Variants in PDE4D observed in about 807,000 individuals in gnomAD.
PDE4D encodes 3',5'-cyclic-AMP phosphodiesterase 4D.
Under a neutral mutation model 87.4 loss-of-function variants are expected in PDE4D, and 24 were observed. The ratio of observed to expected loss-of-function variants is 0.27; its 90% confidence interval spans 0.20 to 0.39. The LOEUF (loss-of-function observed/expected upper bound fraction) is 0.39, where lower values mean the gene tolerates loss of function less well. PDE4D is among the 10% of genes least tolerant of loss of function. PDE4D has a pLI of 1.00. For missense variants in PDE4D, 714 were observed against 1,041.0 expected, an observed-to-expected ratio of 0.69 and a Z score of 4.32; for synonymous variants, 384 against 383.2, an observed-to-expected ratio of 1.00 and a Z score of -0.02.
intron 1 of PDE4D, among the ~76,000 whole-genome samples, chr5:59,250,325 C>A (rs115869169): frequency 2.0e-4 from 28 of 139,374 alleles, no homozygotes; most frequent in African/African-American, 5.9e-4. Context: ...AAAAAAAAAA[C>A]AAAAAAAATT....
chr5:59,468,343 CT>C (rs1401598112), intron 1 of PDE4D, among the ~76,000 whole-genome samples: 1 of 151,822 alleles, frequency 6.6e-6, no homozygotes, highest in African/African-American at 2.4e-5. Context: ...TATTTTTTAT[CT>C]TTTGGATTTT....
chr5:59,883,356 C>A (rs1041087865), intron 1 of PDE4D, among the ~76,000 whole-genome samples: 2 of 152,122 alleles, frequency 1.3e-5, no homozygotes, highest in African/African-American at 4.8e-5. Flanking sequence ...GAGAGTGAGT[C>A]TAGAAGAATT....
At chr5:59,371,404 C>T (rs768830317) in intron 1 of PDE4D, among the ~76,000 whole-genome samples, 19 of 152,196 alleles carry the variant, frequency 1.2e-4, no homozygotes, top group Non-Finnish European at 2.5e-4. Context: ...GAGACAATGT[C>T]GTGAACTTTC....
At chr5:60,369,857 C>T (rs16877953) in intron 1 of PDE4D, among the ~76,000 whole-genome samples, 18,690 of 152,084 alleles carry the variant, frequency 0.12, 1,505 homozygotes, top group East Asian at 0.39. Flanking sequence ...AGACGTGAAT[C>T]GAGGTCATTC....
intron 3 of PDE4D, among the ~76,000 whole-genome samples, chr5:59,964,044 CAG>C (rs1446113494): frequency 6.6e-6 from 1 of 152,144 alleles, no homozygotes; most frequent in Non-Finnish European, 1.5e-5. Context: ...AGGCTACTCA[CAG>C]AGTCTGTGTT....
intron 1 of PDE4D, among the ~76,000 whole-genome samples, chr5:59,838,304 C>T (rs1398219923): frequency 6.6e-6 from 1 of 152,026 alleles, no homozygotes; most frequent in East Asian, 1.9e-4. Flanking sequence ...TGAACCAGCA[C>T]CAGCTTCTTA....
chr5:59,017,138 A>G (rs981037785), intron 6 of PDE4D, among the ~76,000 whole-genome samples: 5 of 152,198 alleles, frequency 3.3e-5, no homozygotes, highest in African/African-American at 1.2e-4. Flanking sequence ...GAGCCGAGGC[A>G]AGTCAAGGCA....
At chr5:59,355,520 G>A (rs1781243444) in intron 1 of PDE4D, among the ~76,000 whole-genome samples, 1 of 152,054 alleles carries the variant, frequency 6.6e-6, no homozygotes, top group Admixed American at 6.6e-5. Flanking sequence ...CATACAATAA[G>A]CATGAGAATC....
intron 1 of PDE4D, among the ~76,000 whole-genome samples, chr5:59,288,644 C>G (rs1767441658): frequency 6.6e-6 from 1 of 151,886 alleles, no homozygotes. Context: ...AAGACTAGCT[C>G]AAGGCATTCA....
intron 1 of PDE4D, among the ~76,000 whole-genome samples, chr5:59,604,917 T>C (rs1827988003): frequency 6.6e-6 from 1 of 152,030 alleles, no homozygotes; most frequent in Non-Finnish European, 1.5e-5. Flanking sequence ...GAGTTTATCC[T>C]ACAAAAATGA....
At chr5:60,283,193 G>A (rs184800229) in intron 1 of PDE4D, among the ~76,000 whole-genome samples, 145 of 151,582 alleles carry the variant, frequency 9.6e-4, no homozygotes, top group African/African-American at 3.4e-3. Flanking sequence ...AGGTTCATTA[G>A]TATCTACACA....
chr5:59,472,119 G>C (rs899515260), intron 1 of PDE4D, among the ~76,000 whole-genome samples: 6 of 152,130 alleles, frequency 3.9e-5, no homozygotes, highest in Admixed American at 2.6e-4. Context: ...TACTACATAC[G>C]GTCTTGGAAA....
chr5:59,015,427 G>C (rs1561308142), intron 6 of PDE4D, among the ~76,000 whole-genome samples: 1 of 152,074 alleles, frequency 6.6e-6, no homozygotes, highest in Non-Finnish European at 1.5e-5. Flanking sequence ...AAATTTACAA[G>C]AAAAAATCAA....
intron 1 of PDE4D, among the ~76,000 whole-genome samples, chr5:59,719,283 C>G (rs1441520132): frequency 1.3e-5 from 2 of 152,144 alleles, no homozygotes; most frequent in Non-Finnish European, 2.9e-5. Flanking sequence ...TTATTTCAAG[C>G]TACCAATGTG....
intron 1 of PDE4D, among the ~76,000 whole-genome samples, chr5:60,401,996 T>C (rs919403401): frequency 2.5e-4 from 38 of 152,198 alleles, no homozygotes; most frequent in African/African-American, 8.4e-4. Flanking sequence ...ACACAGATTA[T>C]AACTCCAATC....
chr5:59,171,854 TA>T (rs1782828331), intron 5 of PDE4D, among the ~76,000 whole-genome samples: 1 of 132,320 alleles, frequency 7.6e-6, no homozygotes, highest in Non-Finnish European at 1.6e-5. Context: ...TATTTTATAA[TA>T]AACATATATA....
At chr5:60,391,694 A>T (rs1220177370) in intron 1 of PDE4D, among the ~76,000 whole-genome samples, 3 of 152,176 alleles carry the variant, frequency 2.0e-5, no homozygotes, top group African/African-American at 7.2e-5. Context: ...TAATCTCCCT[A>T]TTATAAGATC....
Position 59,311,608 on chromosome 5 carries a change from G to A in PDE4D, c.456-95640C>T, listed in dbSNP as rs182729391. On this transcript the variant is annotated intron_variant, in intron 1 of 14. Transcript: ENST00000340635. The stretch of plus-strand genomic sequence containing the variant: ...TGTTCTGTCTTGCAGATAGATAACG[G>A]TGTCTCCATACTCTGGGACTGACCC... Among the ~76,000 whole-genome samples, 7 of 151,614 alleles carry A rather than the reference G, an allele frequency of 4.6e-5. No homozygotes were observed. The East Asian group carries it at 1.4e-3, about 29-fold the overall frequency.
At chr5:59,656,810 C>T (rs1023417956) in intron 1 of PDE4D, among the ~76,000 whole-genome samples, 4 of 152,164 alleles carry the variant, frequency 2.6e-5, no homozygotes, top group Admixed American at 6.5e-5. Context: ...CTTTCTGAGA[C>T]ACTCTTCAGT....
Sources: allele counts gnomAD v4.1 joint callset (sites outside exome capture counted in the v4.1 genomes callset), GRCh38; gene constraint gnomAD v4.1.1; transcripts MANE v1.5; gene names NCBI Gene and HGNC (gene_info 2026-07-23, HGNC 2026-07-21).